The following PTPRQ variants were observed in gnomAD, a reference collection of about 807,000 sequenced individuals.
PTPRQ encodes the protein protein tyrosine phosphatase receptor type Q.
PTPRQ carries 199 observed loss-of-function variants against 246.0 expected under a neutral mutation model. The ratio of observed to expected loss-of-function variants is 0.81; its 90% CI spans 0.72 to 0.91. PTPRQ has a LOEUF of 0.91. Among genes scored for constraint, PTPRQ ranks in the 40% least tolerant of loss-of-function variants. The pLI is 0.00. For missense variants in PTPRQ, 2,624 were observed against 2,528.4 expected (o/e 1.04, Z -0.81); for synonymous variants, 869 against 853.2 (o/e 1.02, Z -0.32).
intron 24 of PTPRQ, among the ~76,000 whole-genome samples, chr12:80,547,871 C>T (rs1477917832): frequency 1.3e-5 from 2 of 151,984 alleles, no homozygotes; most frequent in East Asian, 1.9e-4. Context: ...ATTACTGTTG[C>T]CCCCATTCCC....
chr12:80,674,138 T>A (rs932408321), intron 43 of PTPRQ, among the ~76,000 whole-genome samples: 1 of 152,104 alleles, frequency 6.6e-6, no homozygotes, highest in African/African-American at 2.4e-5. Flanking sequence ...ATAACTACAA[T>A]ATACACAATA....
chr12:80,522,525 G>A (rs539819293), intron 17 of PTPRQ, among the ~76,000 whole-genome samples: 1 of 152,042 alleles, frequency 6.6e-6, no homozygotes, highest in South Asian at 2.1e-4. Context: ...TTATTATTTT[G>A]AAATACGTCC....
intron 28 of PTPRQ, among the ~76,000 whole-genome samples, chr12:80,611,350 T>C (rs979340321): frequency 6.0e-5 from 9 of 150,450 alleles, no homozygotes; most frequent in Non-Finnish European, 1.2e-4. Flanking sequence ...GTTTATTTGT[T>C]GCTATCTGTA....
At chr12:80,625,589 T>A (rs991298927) in intron 33 of PTPRQ, among the ~76,000 whole-genome samples, 1 of 152,102 alleles carries the variant, frequency 6.6e-6, no homozygotes, top group African/African-American at 2.4e-5. Flanking sequence ...CTGATAATCT[T>A]AAAAATGTTT....
At chr12:80,670,703 T>C (rs1031523869) in intron 42 of PTPRQ, among the ~76,000 whole-genome samples, 3 of 152,182 alleles carry the variant, frequency 2.0e-5, no homozygotes, top group Non-Finnish European at 2.9e-5. Flanking sequence ...TTTTTCACAG[T>C]TGAAGTTTGG....
intron 25 of PTPRQ, among the ~76,000 whole-genome samples, chr12:80,563,225 G>C (rs1484348704): frequency 6.6e-6 from 1 of 152,088 alleles, no homozygotes; most frequent in Admixed American, 6.5e-5. Context: ...TCCAACATCA[G>C]GGCACCAGCA....
At chr12:80,545,955 C>CA (rs1896291740) in intron 23 of PTPRQ, among the ~76,000 whole-genome samples, 1 of 151,232 alleles carries the variant, frequency 6.6e-6, no homozygotes, top group African/African-American at 2.4e-5. Context: ...TGTAATTATG[C>CA]AAATTAAAAA....
chr12:80,629,058 C>A (rs1899315438), intron 33 of PTPRQ, among the ~76,000 whole-genome samples: 1 of 150,796 alleles, frequency 6.6e-6, no homozygotes. Flanking sequence ...CAGATGGTTG[C>A]CTTCTTGCAG....
At chr12:80,673,930 T>C (rs1036556086) in intron 43 of PTPRQ, among the ~76,000 whole-genome samples, 11 of 152,128 alleles carry the variant, frequency 7.2e-5, no homozygotes, top group African/African-American at 2.7e-4. Flanking sequence ...CCAGGAGCTA[T>C]ACTAGACCCT....
At chr12:80,503,824 AT>A (rs1264713463) in intron 14 of PTPRQ, among the ~76,000 whole-genome samples, 8 of 151,494 alleles carry the variant, frequency 5.3e-5, no homozygotes, top group African/African-American at 1.7e-4. Flanking sequence ...TTATCCCTCA[AT>A]TTTTTTTATT....
intron 25 of PTPRQ, among the ~76,000 whole-genome samples, chr12:80,584,891 TC>T (rs556463221): frequency 1.3e-5 from 2 of 152,238 alleles, no homozygotes; most frequent in East Asian, 1.9e-4. Context: ...ACATTTTTTT[TC>T]CCTAAAGATA....
chr12:80,677,358 ACACTT>A (rs1901178288), intron 43 of PTPRQ, among the ~76,000 whole-genome samples: 1 of 152,222 alleles, frequency 6.6e-6, no homozygotes, highest in African/African-American at 2.4e-5. Context: ...CTTTATAACA[ACACTT>A]CAATTCTTAC....
At chr12:80,467,646 G>T (rs1320631461) in intron 6 of PTPRQ, among the ~76,000 whole-genome samples, 1 of 151,922 alleles carries the variant, frequency 6.6e-6, no homozygotes, top group Admixed American at 6.6e-5. Context: ...AGAAAATGTG[G>T]CACATATACA....
chr12:80,486,096 C>A (rs1013901328), intron 9 of PTPRQ, among the ~76,000 whole-genome samples: 1 of 152,132 alleles, frequency 6.6e-6, no homozygotes, highest in African/African-American at 2.4e-5. Context: ...GCTCTCTGAA[C>A]ATCAGTTTCT....
At chr12:80,614,993 T>G (rs1403899766) in intron 29 of PTPRQ, among the ~76,000 whole-genome samples, 1 of 150,968 alleles carries the variant, frequency 6.6e-6, no homozygotes, top group African/African-American at 2.4e-5. Context: ...TTTGTTAGGA[T>G]GTATAACTTT....
intron 17 of PTPRQ, among the ~76,000 whole-genome samples, chr12:80,522,509 T>C (rs1031128760): frequency 2.0e-5 from 3 of 152,082 alleles, no homozygotes; most frequent in African/African-American, 7.2e-5. Context: ...TTGTCATAGA[T>C]AGCTCTTATT....
intron 33 of PTPRQ, among the ~76,000 whole-genome samples, chr12:80,630,075 T>C (rs1899367425): frequency 6.6e-6 from 1 of 152,188 alleles, no homozygotes; most frequent in African/African-American, 2.4e-5. Flanking sequence ...TAACAATAAA[T>C]TATTGATATT....
intron 27 of PTPRQ, among the ~76,000 whole-genome samples, chr12:80,605,761 G>C (rs1188118301): frequency 6.0e-5 from 9 of 151,028 alleles, no homozygotes; most frequent in African/African-American, 1.5e-4. Context: ...AAAAAAATAA[G>C]TTCTAAGAGA....
chr12:80,448,140 T>A (rs1052041476), intron 3 of PTPRQ, among the ~76,000 whole-genome samples: 2 of 152,236 alleles, frequency 1.3e-5, no homozygotes, highest in African/African-American at 4.8e-5. Context: ...ATTTTATTTT[T>A]TTTGTGGCTA....
Sources: allele counts gnomAD v4.1 joint callset (sites outside exome capture counted in the v4.1 genomes callset), GRCh38; gene constraint gnomAD v4.1.1; transcripts MANE v1.5; gene names NCBI Gene and HGNC (gene_info 2026-07-23, HGNC 2026-07-21).